Variants in USH2A observed in about 807,000 individuals in gnomAD.
USH2A encodes the protein Usher syndrome 2A (autosomal recessive, mild).
USH2A carries 443 observed loss-of-function variants against 538.9 expected under a neutral mutation model. The observed-to-expected ratio is 0.82, with a 90% CI of 0.76 to 0.89. The LOEUF is 0.89. Ranked by LOEUF, USH2A falls within the 40% of genes least tolerant of loss-of-function variation. The probability of loss-of-function intolerance (pLI) is 0.00; values close to 1 mark genes in which losing one functional copy is unlikely to be tolerated. For synonymous variants in USH2A, 2,413 were observed against 2,273.5 expected (o/e 1.06, Z -1.75); for missense variants, 6,633 against 6,324.8 (o/e 1.05, Z -1.65).
intron 62 of USH2A, among the ~76,000 whole-genome samples, chr1:215,679,618 C>G (rs899566611): frequency 6.6e-6 from 1 of 152,178 alleles, no homozygotes; most frequent in African/African-American, 2.4e-5. Flanking sequence ...GCTTGAGATA[C>G]GTATACAACA....
At position 215,727,724 on chromosome 1, in the gene USH2A, CA is replaced by C. The variant is rs35895995; in HGVS notation, c.12066+305del. On this transcript the variant is annotated intron_variant, in intron 61 of 71. Transcript: ENST00000307340. ...TGGGTGACAGAATGAGAGCCTGTCT[CA>C]AAAAAAAAATATTCCCACTTAGTAA... Among the ~76,000 whole-genome samples the C allele has an allele frequency of 0.21, 31,631 of 147,262 alleles. 3,709 individuals carry two copies. Among genetic ancestry groups the C allele is most frequent in the African/African-American group, 0.32 (12,998 of 40,338 alleles).
At chr1:216,186,758 C>T (rs1240503044) in intron 20 of USH2A, among the ~76,000 whole-genome samples, 1 of 151,830 alleles carries the variant, frequency 6.6e-6, no homozygotes, top group African/African-American at 2.4e-5. Context: ...TTTCTCCCAT[C>T]TGTTCTTTGT....
intron 44 of USH2A, among the ~76,000 whole-genome samples, chr1:215,846,740 A>T (rs1325228432): frequency 3.3e-5 from 5 of 152,238 alleles, no homozygotes; most frequent in Non-Finnish European, 7.3e-5. Context: ...ACTTCTGCTC[A>T]TAAGTAACAT....
intron 61 of USH2A, among the ~76,000 whole-genome samples, chr1:215,711,564 T>C (rs906648550): frequency 1.3e-5 from 2 of 152,188 alleles, no homozygotes; most frequent in African/African-American, 4.8e-5. Context: ...GGAAAACTCC[T>C]CAAGACTTTT....
intron 60 of USH2A, among the ~76,000 whole-genome samples, chr1:215,736,932 A>G (rs966369823): frequency 3.6e-4 from 54 of 152,094 alleles, no homozygotes; most frequent in African/African-American, 1.3e-3. Flanking sequence ...TGGTCTAGTA[A>G]AGACAAATCC....
chr1:215,995,019 G>A (rs970134090), intron 34 of USH2A, among the ~76,000 whole-genome samples: 1 of 151,910 alleles, frequency 6.6e-6, no homozygotes, highest in African/African-American at 2.4e-5. Context: ...GCTTCTTATT[G>A]TTAAACTTGT....
chr1:215,836,703 C>T (rs1663542520), intron 47 of USH2A, among the ~76,000 whole-genome samples: 1 of 144,012 alleles, frequency 6.9e-6, no homozygotes, highest in African/African-American at 2.5e-5. Flanking sequence ...ACTACAGGTG[C>T]CCCCCACCAC....
At chr1:215,921,401 T>C (rs1426116015) in intron 38 of USH2A, among the ~76,000 whole-genome samples, 1 of 152,022 alleles carries the variant, frequency 6.6e-6, no homozygotes, top group Non-Finnish European at 1.5e-5. Flanking sequence ...ATTTTTTTTC[T>C]CTTATGACAT....
At chr1:216,028,734 G>A (rs1669026306) in intron 32 of USH2A, among the ~76,000 whole-genome samples, 1 of 152,006 alleles carries the variant, frequency 6.6e-6, no homozygotes, top group Non-Finnish European at 1.5e-5. Context: ...AAAATAGGAA[G>A]AAGAATATAT....
At chr1:216,234,341 C>T (rs146721637) in intron 13 of USH2A, among the ~76,000 whole-genome samples, 1 of 152,098 alleles carries the variant, frequency 6.6e-6, no homozygotes, top group Admixed American at 6.6e-5. Flanking sequence ...ATTCAGTTGG[C>T]GGAAATCAAC....
chr1:216,036,268 C>T (rs555119094), intron 32 of USH2A, among the ~76,000 whole-genome samples: 3 of 152,004 alleles, frequency 2.0e-5, no homozygotes, highest in South Asian at 4.2e-4. Context: ...TTGGGAATAA[C>T]ATTACAAAAA....
Position 216,369,887 on chromosome 1 carries a change from C to T in USH2A, c.652-4802G>A, listed in dbSNP as rs374412287. Among the ~76,000 whole-genome samples the T allele has an allele frequency of 2.3e-3, 319 of 140,990 alleles. 3 individuals carry two copies. Among genetic ancestry groups the T allele is most frequent in the African/African-American group, 8.3e-3 (298 of 35,950 alleles). 92.5% of individuals were successfully genotyped at this position (140,990 alleles called of 152,430 possible). On this transcript the variant is annotated intron_variant, in intron 3 of 71. Transcript: ENST00000307340. Reference sequence around the variant, plus strand: ...GCAGTGAGCCAAGATGGCGCCATTGCACTACAGCCTGGGTGACAGAGTGAG... The same window carrying T: ...GCAGTGAGCCAAGATGGCGCCATTGTACTACAGCCTGGGTGACAGAGTGAG...
chr1:216,415,508 C>CTTTTT (rs71161423), intron 3 of USH2A, among the ~76,000 whole-genome samples: 55 of 96,870 alleles, frequency 5.7e-4, no homozygotes, highest in African/African-American at 1.8e-3. Context: ...CTTCCTGTCA[C>CTTTTT]TTTTTTTTTT....
chr1:216,156,130 C>A (rs143953074), intron 21 of USH2A, among the ~76,000 whole-genome samples: 11 of 152,140 alleles, frequency 7.2e-5, no homozygotes, highest in African/African-American at 2.4e-4. Flanking sequence ...ACCCTTCTGG[C>A]AAGAATCTAA....
At chr1:215,715,519 C>A (rs1659458219) in intron 61 of USH2A, among the ~76,000 whole-genome samples, 1 of 152,156 alleles carries the variant, frequency 6.6e-6, no homozygotes. Context: ...TTGGGACACA[C>A]ATGAGAATTA....
chr1:216,279,918 C>T (rs1365455541), intron 11 of USH2A, among the ~76,000 whole-genome samples: 1 of 152,030 alleles, frequency 6.6e-6, no homozygotes, highest in East Asian at 1.9e-4. Context: ...AGCAGGGACT[C>T]TGGGGCTACC....
chr1:216,344,258 T>C (rs2038131500), intron 4 of USH2A, among the ~76,000 whole-genome samples: 1 of 152,106 alleles, frequency 6.6e-6, no homozygotes, highest in Admixed American at 6.6e-5. Context: ...AAGGATTTAG[T>C]AACAGAAAGA....
At chr1:216,341,633 G>A (rs1409060015) in intron 4 of USH2A, among the ~76,000 whole-genome samples, 1 of 152,090 alleles carries the variant, frequency 6.6e-6, no homozygotes, top group Non-Finnish European at 1.5e-5. Context: ...GCATGGTACT[G>A]GTACCAAAAC....
chr1:216,156,181 G>A (rs1477071024), intron 21 of USH2A, among the ~76,000 whole-genome samples: 3 of 150,402 alleles, frequency 2.0e-5, no homozygotes, highest in Non-Finnish European at 4.4e-5. Flanking sequence ...TTACTAATTT[G>A]TTTATTTATG....
Sources: allele counts gnomAD v4.1 joint callset (sites outside exome capture counted in the v4.1 genomes callset), GRCh38; gene constraint gnomAD v4.1.1; transcripts MANE v1.5; gene names NCBI Gene and HGNC (gene_info 2026-07-23, HGNC 2026-07-21).